TLN2: variants seen among roughly 807,000 people sequenced by gnomAD.
The protein encoded by TLN2 is talin-2.
Under a neutral mutation model 294.7 loss-of-function variants are expected in TLN2, and 118 were observed. The observed-to-expected ratio is 0.40, with a 90% CI of 0.34 to 0.47. TLN2 has a LOEUF of 0.47. Ranked by LOEUF, TLN2 falls within the 20% of genes least tolerant of loss-of-function variation. The probability of loss-of-function intolerance (pLI) is 0.84; values close to 1 mark genes in which losing one functional copy is unlikely to be tolerated. For missense variants in TLN2, 3,083 were observed against 3,282.2 expected (o/e 0.94, Z 1.48); for synonymous variants, 1,431 against 1,304.5 (o/e 1.10, Z -2.09).
intron 22 of TLN2, among the ~76,000 whole-genome samples, chr15:62,713,897 C>CATATATATATATATATATATATATATAT (rs34783254): frequency 2.5e-5 from 3 of 119,064 alleles, no homozygotes; most frequent in Admixed American, 9.0e-5. Context: ...TTCTTTAAGC[C>CATATATATATATATATATATATATATAT]ATATATATAT....
intron 3 of TLN2, among the ~76,000 whole-genome samples, chr15:62,626,846 C>T (rs1297736796): frequency 3.3e-5 from 5 of 152,170 alleles, no homozygotes; most frequent in Admixed American, 1.3e-4. Context: ...ATGGATGAAA[C>T]TGAAGATGGC....
chr15:62,821,921 G>T (rs1383420630), intron 54 of TLN2, among the ~76,000 whole-genome samples: 1 of 152,200 alleles, frequency 6.6e-6, no homozygotes, highest in African/African-American at 2.4e-5. Flanking sequence ...TAGAGGTTTG[G>T]TGCATGATGT....
chr15:62,424,615 C>T (rs766050550), intron 1 of TLN2, among the ~76,000 whole-genome samples: 6 of 152,128 alleles, frequency 3.9e-5, no homozygotes, highest in African/African-American at 9.7e-5. Flanking sequence ...CAAGTTGAAC[C>T]TGAAACTGCC....
At chr15:62,669,324 G>A (rs950472701) in intron 9 of TLN2, among the ~76,000 whole-genome samples, 3 of 152,188 alleles carry the variant, frequency 2.0e-5, no homozygotes, top group African/African-American at 7.2e-5. Flanking sequence ...AAATACAGTG[G>A]ACTTGACCAG....
intron 30 of TLN2, 86 bp from the exon 31 acceptor site, chr15:62,739,262 G>T (rs1595843602): frequency 7.0e-7 from 1 of 1,436,156 alleles, no homozygotes; most frequent in East Asian, 2.3e-5. Flanking sequence ...TCTCTGAAGA[G>T]TCTGTCTCCC....
chr15:62,698,248 G>A (rs1367925843), intron 15 of TLN2, among the ~76,000 whole-genome samples: 1 of 152,230 alleles, frequency 6.6e-6, no homozygotes, highest in Admixed American at 6.5e-5. Context: ...GTGCTGGTCT[G>A]TCCGGCTCAG....
At chr15:62,507,012 T>A (rs2039654899) in intron 1 of TLN2, among the ~76,000 whole-genome samples, 1 of 152,228 alleles carries the variant, frequency 6.6e-6, no homozygotes, top group Admixed American at 6.5e-5. Flanking sequence ...TTCATTTCTT[T>A]TTAGCTTAAA....
At chr15:62,737,939 T>A (rs2061117538) in intron 29 of TLN2, among the ~76,000 whole-genome samples, 1 of 152,212 alleles carries the variant, frequency 6.6e-6, no homozygotes, top group Non-Finnish European at 1.5e-5. Flanking sequence ...ATCACAAAAC[T>A]GTGGCTTACC....
At chr15:62,551,093 C>T (rs2042269958) in intron 1 of TLN2, among the ~76,000 whole-genome samples, 1 of 152,054 alleles carries the variant, frequency 6.6e-6, no homozygotes, top group Non-Finnish European at 1.5e-5. Flanking sequence ...GCCTAGGTCC[C>T]TCGCATGGGT....
At chr15:62,835,644 C>G (rs1433756545) in intron 55 of TLN2, 93 bp from the exon 56 acceptor site, 3 of 1,422,612 alleles carry the variant, frequency 2.1e-6, no homozygotes, top group Middle Eastern at 1.8e-4. Flanking sequence ...AAGCGGGGTA[C>G]AAGTCTGGTT....
At chr15:62,702,890 A>T (rs774872068) in intron 19 of TLN2, 26 bp downstream of exon 19, 2 of 1,606,048 alleles carry the variant, frequency 1.2e-6, no homozygotes, top group Non-Finnish European at 8.5e-7. Flanking sequence ...GCTTATAGTC[A>T]TGGAAAGAAG....
chr15:62,465,739 T>C (rs2037098328), intron 1 of TLN2, among the ~76,000 whole-genome samples: 1 of 152,236 alleles, frequency 6.6e-6, no homozygotes, highest in Non-Finnish European at 1.5e-5. Flanking sequence ...AAATGGAAAA[T>C]TCTTACATGT....
intron 1 of TLN2, among the ~76,000 whole-genome samples, chr15:62,544,638 G>A (rs1004542215): frequency 6.6e-6 from 1 of 151,988 alleles, no homozygotes; most frequent in Non-Finnish European, 1.5e-5. Flanking sequence ...CTGCCACTGC[G>A]CCATCCTACA....
At chr15:62,473,637 G>A (rs749072317) in intron 1 of TLN2, among the ~76,000 whole-genome samples, 15 of 152,230 alleles carry the variant, frequency 9.9e-5, no homozygotes, top group Admixed American at 1.3e-4. Flanking sequence ...AAACTATTAA[G>A]TGAAGAATCC....
intron 1 of TLN2, among the ~76,000 whole-genome samples, chr15:62,515,282 G>T (rs2040132751): frequency 6.6e-6 from 1 of 152,102 alleles, no homozygotes; most frequent in Admixed American, 6.5e-5. Context: ...ATTGATCCAT[G>T]TTGTTGTTTG....
At chr15:62,725,199 G>A (rs1190849018) in intron 27 of TLN2, 95 bp downstream of exon 27, 1 of 1,482,932 alleles carries the variant, frequency 6.7e-7, no homozygotes, top group Non-Finnish European at 9.0e-7. Context: ...GTTGCGGCAT[G>A]TTGAGAAGCT....
intron 1 of TLN2, among the ~76,000 whole-genome samples, chr15:62,503,143 A>G (rs2039399225): frequency 6.6e-6 from 1 of 152,210 alleles, no homozygotes; most frequent in Non-Finnish European, 1.5e-5. Flanking sequence ...ATAGCCATTA[A>G]AATATATGTA....
chr15:62,577,533 T>C (rs1481317182), intron 1 of TLN2, among the ~76,000 whole-genome samples: 1 of 152,216 alleles, frequency 6.6e-6, no homozygotes, highest in African/African-American at 2.4e-5. Context: ...TGATATATGA[T>C]ACTTGCTTCA....
chr15:62,496,074 G>T (rs1005419232), intron 1 of TLN2, among the ~76,000 whole-genome samples: 37 of 152,326 alleles, frequency 2.4e-4, no homozygotes, highest in African/African-American at 8.4e-4. Context: ...GTAGTGGATG[G>T]AAAGGGTCAG....
Sources: allele counts gnomAD v4.1 joint callset (sites outside exome capture counted in the v4.1 genomes callset), GRCh38; gene constraint gnomAD v4.1.1; transcripts MANE v1.5; gene names NCBI Gene and HGNC (gene_info 2026-07-23, HGNC 2026-07-21).